Variants in KLHL8 observed in about 807,000 individuals in gnomAD.
KLHL8 encodes kelch-like protein 8.
A neutral mutation model predicts 63.5 loss-of-function variants in KLHL8; 38 were observed. The observed-to-expected ratio is 0.60, with a 90% CI of 0.46 to 0.78. KLHL8 has a LOEUF of 0.78. Ranked by LOEUF, KLHL8 falls within the 30% of genes least tolerant of loss-of-function variation. The pLI, the probability that KLHL8 is intolerant of heterozygous loss-of-function variation, is 0.00. For synonymous variants in KLHL8, 224 were observed against 254.3 expected (o/e 0.88, Z 1.13); for missense variants, 566 against 752.4 (o/e 0.75, Z 2.90).
Position 87,176,873 on chromosome 4 carries a change from C to G in KLHL8, c.1097-5G>C. ...CACCTACTGCATACACTTTACCTGT[C>G]AAATAGAGAAGTATTTTCATTTGAC... On this transcript the variant is annotated splice_region_variant and splice_polypyrimidine_tract_variant and intron_variant, in intron 5 of 9. Coordinates refer to ENST00000273963, the MANE Select transcript of KLHL8 (RefSeq NM_020803.5). 6.7e-7 allele frequency: 1 copy of G among 1,482,984 alleles called. No individual in the cohort carries two copies. The highest frequency in any genetic ancestry group is 9.3e-7 in the Non-Finnish European group (1 of 1,078,886). The allele number at this position is 1,482,984 out of a possible 1,614,324, so 91.9% of individuals were successfully genotyped here.
rs548902795 is a variant in KLHL8 at position 87,192,201 on chromosome 4, A to T, written c.216+3123T>A. 3.3e-4 allele frequency among the ~76,000 whole-genome samples: 51 copies of T among 152,314 alleles called. 1 individual carries two copies. In the South Asian group the frequency reaches 9.5e-3, roughly 28 times the overall value. The stretch of plus-strand genomic sequence containing the variant: ...GAGAAGTATCCAAACTGCTCTCCAC[A>T]GTGGCTGAACTAATCTACATTCCCA... On this transcript the variant is annotated intron_variant, in intron 2 of 9. Transcript: ENST00000273963.
At chr4:87,228,002 A>G (rs185235543) in intron 1 of KLHL8, among the ~76,000 whole-genome samples, 18 of 152,290 alleles carry the variant, frequency 1.2e-4, no homozygotes, top group Admixed American at 7.8e-4. Flanking sequence ...CAGTGATTCA[A>G]TCAATCATGC....
At chr4:87,195,782 C>G (rs1731672796) in intron 1 of KLHL8, 92 bp from the exon 2 acceptor site, 1 of 339,090 alleles carries the variant, frequency 2.9e-6, no homozygotes, top group South Asian at 9.1e-5. Flanking sequence ...TGCAAAATAA[C>G]TATATCAATC....
At chr4:87,214,304 T>C (rs1046231121) in intron 1 of KLHL8, among the ~76,000 whole-genome samples, 8 of 150,806 alleles carry the variant, frequency 5.3e-5, no homozygotes, top group African/African-American at 1.2e-4. Context: ...TTAAGTTACA[T>C]AACGTTTCAT....
chr4:87,232,119 A>G (rs1162681622), intron 1 of KLHL8, among the ~76,000 whole-genome samples: 1 of 152,218 alleles, frequency 6.6e-6, no homozygotes, highest in Non-Finnish European at 1.5e-5. Flanking sequence ...ATTAAATAGA[A>G]CTGTGCACTT....
intron 1 of KLHL8, chr4:87,207,982 G>T: frequency 1.3e-6 from 1 of 760,300 alleles, no homozygotes; most frequent in Non-Finnish European, 2.3e-6. Flanking sequence ...TGTTAGGGCT[G>T]GCATTGCCCT....
In KLHL8 at chr4:87,185,418, C is replaced by T. The variant is rs1731214212; in HGVS notation, c.598G>A (p.Val200Met). The change falls in exon 3 of 10, where the codon GTG becomes ATG. Residue 200 changes from valine to methionine, a missense_variant. Coordinates refer to ENST00000273963, the MANE Select transcript of KLHL8 (RefSeq NM_020803.5). ...QYACDHFTEV[V>M]ECEDFVSVSP... Reference sequence around the variant, plus strand: ...ACACTTACAAAGTCTTCACACTCCACTACTTCAGTAAAATGGTCACAGGCA... The same window carrying T: ...ACACTTACAAAGTCTTCACACTCCATTACTTCAGTAAAATGGTCACAGGCA... 2.5e-6 allele frequency: 4 copies of T among 1,614,218 alleles called. No homozygotes were observed. Among genetic ancestry groups the T allele is most frequent in the Non-Finnish European group, 3.4e-6 (4 of 1,180,034 alleles).
intron 8 of KLHL8, among the ~76,000 whole-genome samples, chr4:87,164,886 C>T (rs6848626): frequency 0.78 from 118,381 of 151,940 alleles, 46,376 homozygotes; most frequent in Middle Eastern, 0.87. Context: ...CGGTGGCTCA[C>T]GCCTGTAATC....
At chr4:87,184,905 T>C (rs1731192238) in intron 3 of KLHL8, among the ~76,000 whole-genome samples, 1 of 152,172 alleles carries the variant, frequency 6.6e-6, no homozygotes, top group South Asian at 2.1e-4. Context: ...GAAACCATTA[T>C]AAAACAATAA....
chr4:87,209,911 T>C (rs921005692), intron 1 of KLHL8, among the ~76,000 whole-genome samples: 5 of 142,904 alleles, frequency 3.5e-5, no homozygotes, highest in Non-Finnish European at 7.5e-5. Context: ...TGGAGTGCAG[T>C]GGCGCAATCT....
chr4:87,207,091 G>A (rs1012123280), intron 1 of KLHL8: 3 of 494,058 alleles, frequency 6.1e-6, no homozygotes, highest in African/African-American at 5.9e-5. Context: ...CTGAGGTAGT[G>A]AAGGTGATGG....
At chr4:87,167,638 C>A (rs1157425643) in intron 8 of KLHL8, 3 of 452,402 alleles carry the variant, frequency 6.6e-6, no homozygotes, top group East Asian at 5.7e-5. Flanking sequence ...CATTCCTTCC[C>A]GTGTACAGAG....
intron 1 of KLHL8, among the ~76,000 whole-genome samples, chr4:87,208,372 T>A (rs969616781): frequency 6.7e-6 from 1 of 149,966 alleles, no homozygotes; most frequent in African/African-American, 2.4e-5. Context: ...TTTTTTTCTT[T>A]TTTTTTTTTT....
intron 1 of KLHL8, among the ~76,000 whole-genome samples, chr4:87,234,862 G>A (rs908184568): frequency 2.0e-5 from 3 of 152,130 alleles, no homozygotes; most frequent in Non-Finnish European, 4.4e-5. Flanking sequence ...TGATATTGAC[G>A]ATCCTGACAC....
intron 1 of KLHL8, among the ~76,000 whole-genome samples, chr4:87,236,551 A>C (rs1733233208): frequency 6.6e-6 from 1 of 151,990 alleles, no homozygotes; most frequent in Non-Finnish European, 1.5e-5. Context: ...GGCAACCTCA[A>C]GGAAGGGCAT....
Position 87,207,064 on chromosome 4 carries a change from C to T in KLHL8, c.-151-11374G>A, listed in dbSNP as rs537078697. 6 of 435,566 alleles carry T rather than the reference C, an allele frequency of 1.4e-5. No homozygotes were observed. In the East Asian group the frequency reaches 3.3e-4, roughly 24 times the overall value. The allele number at this position is 435,566 out of a possible 1,614,324, so 27.0% of individuals were successfully genotyped here. A position where few individuals can be genotyped will look rare whatever the true frequency, so the allele number is the denominator to read the frequency against. ...TGACACACAGCTGCATCTTCTCATG[C>T]ATTGCCAGCTGCATCGCTGAGGTAG... On this transcript the variant is annotated intron_variant, in intron 1 of 9. Transcript: ENST00000273963.
Position 87,162,713 on chromosome 4 carries a change from C to T in KLHL8, c.*806G>A, listed in dbSNP as rs970587389. ...AGTCATGTAATCTGCATCATTCTTT[C>T]TCAAGGTCTCTCAATTGGGCACCAG... On this transcript the variant is annotated 3_prime_UTR_variant, in exon 10 of 10. Coordinates refer to ENST00000273963, the MANE Select transcript of KLHL8 (RefSeq NM_020803.5). The T allele has an allele frequency of 3.9e-5, 6 of 152,188 alleles. No individual in the cohort carries two copies. The highest frequency in any genetic ancestry group is 1.2e-4 in the African/African-American group (5 of 41,440). The allele number at this position is 152,188 out of a possible 1,614,324, so 9.4% of individuals were successfully genotyped here.
upstream of KLHL8, among the ~76,000 whole-genome samples, chr4:87,222,830 CG>C (rs1205613302): frequency 6.6e-6 from 1 of 151,802 alleles, no homozygotes; most frequent in Non-Finnish European, 1.5e-5. Context: ...GTGATCCACT[CG>C]CCTCAGCCTC....
chr4:87,202,758 T>C (rs1419010878), intron 1 of KLHL8, among the ~76,000 whole-genome samples: 3 of 152,182 alleles, frequency 2.0e-5, no homozygotes, highest in Non-Finnish European at 4.4e-5. Context: ...GCCTTGACTC[T>C]ACAAAATCTC....
Sources: allele counts gnomAD v4.1 joint callset (sites outside exome capture counted in the v4.1 genomes callset), GRCh38; gene constraint gnomAD v4.1.1; transcripts MANE v1.5; gene names NCBI Gene and HGNC (gene_info 2026-07-23, HGNC 2026-07-21).